Variants in SLIT2 observed in about 807,000 individuals in gnomAD.
SLIT2 encodes the protein slit homolog 2 protein.
SLIT2 carries 41 observed loss-of-function variants against 185.7 expected under a neutral mutation model. The ratio of observed to expected loss-of-function variants is 0.22; its 90% CI spans 0.17 to 0.29. The LOEUF is 0.29. SLIT2 is among the 10% of genes least tolerant of loss of function. The pLI is 1.00. For synonymous variants in SLIT2, 693 were observed against 680.2 expected (o/e 1.02, Z -0.29); for missense variants, 1,571 against 1,909.0 (o/e 0.82, Z 3.30).
chr4:20,273,961 G>A (rs1232177332), intron 4 of SLIT2, among the ~76,000 whole-genome samples: 1 of 152,104 alleles, frequency 6.6e-6, no homozygotes, highest in Non-Finnish European at 1.5e-5. Flanking sequence ...CAGTTGCTAC[G>A]GTTACTGTTG....
At position 20,618,693 on chromosome 4, in the gene SLIT2, T is replaced by A. The variant is rs182828354; in HGVS notation, c.4349-75T>A. ...GGGAAGCAAAGGCTTCTGAATTAAG[T>A]TGTGGATTCACAGTCACTCTGCATG... On this transcript the variant is annotated intron_variant, in intron 36 of 36. Transcript: ENST00000504154. 60 of 1,433,988 alleles carry A rather than the reference T, an allele frequency of 4.2e-5. No individual in the cohort carries two copies. The East Asian group carries it at 1.3e-3, about 31-fold the overall frequency. The allele number at this position is 1,433,988 out of a possible 1,614,324, so 88.8% of individuals were successfully genotyped here. A position where few individuals can be genotyped will look rare whatever the true frequency, so the allele number is the denominator to read the frequency against.
At chr4:20,273,869 G>T (rs540258660) in intron 4 of SLIT2, among the ~76,000 whole-genome samples, 1 of 152,024 alleles carries the variant, frequency 6.6e-6, no homozygotes, top group African/African-American at 2.4e-5. Context: ...AGGTGCCATC[G>T]TTTCCTGCTT....
Position 20,529,106 on chromosome 4 carries a change from T to A in SLIT2, c.1613+7T>A. On this transcript the variant is annotated splice_region_variant and intron_variant, in intron 16 of 36. Coordinates refer to ENST00000504154, the MANE Select transcript of SLIT2 (RefSeq NM_004787.4). ...CCCAGTACACTGCAGAGTTGTAAGT[T>A]CATCCCCCAACAAAATTCTGGTTGG... 1 of 1,573,222 alleles carries A rather than the reference T, an allele frequency of 6.4e-7. No homozygotes were observed. The highest frequency in any genetic ancestry group is 8.7e-7 in the Non-Finnish European group (1 of 1,153,446).
At chr4:20,305,041 A>G (rs1340149195) in intron 4 of SLIT2, among the ~76,000 whole-genome samples, 1 of 152,218 alleles carries the variant, frequency 6.6e-6, no homozygotes, top group Non-Finnish European at 1.5e-5. Flanking sequence ...CGAAGAATGA[A>G]TCTATATTTT....
chr4:20,266,209 G>A (rs1040567450), intron 3 of SLIT2, among the ~76,000 whole-genome samples: 1 of 151,818 alleles, frequency 6.6e-6, no homozygotes, highest in Admixed American at 6.6e-5. Context: ...CTTGTATCCA[G>A]TCTGAAAAAT....
At chr4:20,388,102 A>G (rs183843956) in intron 4 of SLIT2, among the ~76,000 whole-genome samples, 11 of 152,312 alleles carry the variant, frequency 7.2e-5, no homozygotes, top group African/African-American at 2.4e-4. Flanking sequence ...ATAATATGAC[A>G]TCTATGAAAA....
At chr4:20,440,162 G>C (rs1729641889) in intron 4 of SLIT2, among the ~76,000 whole-genome samples, 1 of 147,870 alleles carries the variant, frequency 6.8e-6, no homozygotes, top group Admixed American at 6.8e-5. Flanking sequence ...TTGTCATTCT[G>C]GCAGAACATC....
intron 7 of SLIT2, among the ~76,000 whole-genome samples, chr4:20,486,844 T>G (rs1458505612): frequency 6.6e-6 from 1 of 151,996 alleles, no homozygotes; most frequent in Admixed American, 6.6e-5. Flanking sequence ...GAGTAGCCTT[T>G]AAAATCTTTA....
intron 4 of SLIT2, among the ~76,000 whole-genome samples, chr4:20,389,527 T>C (rs1311561650): frequency 6.6e-6 from 1 of 151,214 alleles, no homozygotes; most frequent in Non-Finnish European, 1.5e-5. Flanking sequence ...AATTAAGTTG[T>C]TATGTGTTTT....
chr4:20,514,259 G>A (rs1489103711), intron 11 of SLIT2, among the ~76,000 whole-genome samples: 4 of 152,154 alleles, frequency 2.6e-5, no homozygotes, highest in Non-Finnish European at 5.9e-5. Context: ...AATATAGCCA[G>A]ATTAATATAA....
chr4:20,511,799 A>G (rs1482959303), intron 11 of SLIT2, among the ~76,000 whole-genome samples: 1 of 151,712 alleles, frequency 6.6e-6, no homozygotes, highest in Admixed American at 6.6e-5. Flanking sequence ...TGGAGACAAT[A>G]TCAGTCTCCT....
chr4:20,281,736 T>C (rs371256785), intron 4 of SLIT2, among the ~76,000 whole-genome samples: 1 of 152,178 alleles, frequency 6.6e-6, no homozygotes, highest in Admixed American at 6.5e-5. Flanking sequence ...GGAAATACTC[T>C]TTCTCCTCTC....
At position 20,524,038 on chromosome 4, in the gene SLIT2, T is replaced by C; in HGVS notation, c.1299T>C (p.Ile433=). Residue 433 remains isoleucine, a synonymous_variant, in exon 14 of 37, where the codon ATT becomes ATC. Transcript: ENST00000504154. ...GGCATTTGGCCCAGAACCCCTTTAT[T>C]TGTGACTGCCATCTCAAGTGGCTAG... The part of the protein sequence containing the change: ...QTMHLAQNPF[I]CDCHLKWLAD... The C allele has an allele frequency of 7.4e-6, 12 of 1,614,182 alleles. No homozygotes were observed. The highest frequency in any genetic ancestry group is 1.0e-5 in the Non-Finnish European group (12 of 1,180,032).
At chr4:20,335,472 T>C (rs894800159) in intron 4 of SLIT2, among the ~76,000 whole-genome samples, 3 of 152,220 alleles carry the variant, frequency 2.0e-5, no homozygotes, top group Admixed American at 1.3e-4. Context: ...AAGAGGACCA[T>C]AGTTGTTATT....
At chr4:20,416,275 C>T (rs565260451) in intron 4 of SLIT2, among the ~76,000 whole-genome samples, 12 of 152,256 alleles carry the variant, frequency 7.9e-5, no homozygotes, top group Middle Eastern at 6.8e-3. Flanking sequence ...GGTTTGACAT[C>T]GGGTTCCTGA....
chr4:20,523,706 CA>C, intron 12 of SLIT2, 53 bp from the exon 13 acceptor site: 1 of 1,492,780 alleles, frequency 6.7e-7, no homozygotes, highest in South Asian at 1.2e-5. Context: ...CAAAATCTTG[CA>C]GGTGAGTTAA....
chr4:20,611,690 A>G (rs1729234437), intron 34 of SLIT2, among the ~76,000 whole-genome samples: 2 of 152,212 alleles, frequency 1.3e-5, no homozygotes, highest in South Asian at 4.1e-4. Context: ...GTGATTTGAG[A>G]GAAAATAAAT....
rs759622666 is a variant in SLIT2, at chr4:20,511,587, A to ATTTTTTTTTTTTTTTTTTT, written c.1058+466_1058+467insTTTTTTTTTTTTTTTTTTT. On this transcript the variant is annotated intron_variant, in intron 11 of 36. Transcript: ENST00000504154. ...AGGCGCCTGCCACCACATCCAGCTA[A>ATTTTTTTTTTTTTTTTTTT]TTTTTTTTTTTTTTTTATTTTTGGT... Among the ~76,000 whole-genome samples, 763 of 82,006 alleles carry ATTTTTTTTTTTTTTTTTTT rather than the reference A, an allele frequency of 9.3e-3. 61 individuals carry two copies. The highest frequency in any genetic ancestry group is 0.019 in the Admixed American group (115 of 6,138). The allele number at this position is 82,006 out of a possible 152,430, so 53.8% of individuals were successfully genotyped here.
chr4:20,556,987 C>A (rs1042163370), intron 26 of SLIT2, among the ~76,000 whole-genome samples: 1 of 151,964 alleles, frequency 6.6e-6, no homozygotes, highest in Non-Finnish European at 1.5e-5. Flanking sequence ...TAAACAAAAC[C>A]CTAACCTAAA....
Sources: allele counts gnomAD v4.1 joint callset (sites outside exome capture counted in the v4.1 genomes callset), GRCh38; gene constraint gnomAD v4.1.1; transcripts MANE v1.5; gene names NCBI Gene and HGNC (gene_info 2026-07-23, HGNC 2026-07-21).